Variants in NF2 observed in about 807,000 individuals in gnomAD.
The protein encoded by NF2 is merlin.
In NF2, 8 loss-of-function variants were observed where a neutral mutation model predicts 83.7. That is an observed-to-expected ratio of 0.10 (90% CI 0.06 to 0.17). NF2 has a LOEUF of 0.17. Among genes scored for constraint, NF2 ranks in the 10% least tolerant of loss-of-function variants. The pLI is 1.00. For synonymous variants in NF2, 266 were observed against 269.6 expected (o/e 0.99, Z 0.13); for missense variants, 533 against 744.4 (o/e 0.72, Z 3.31).
At chr22:29,655,995 G>A (rs904202513) in intron 6 of NF2, among the ~76,000 whole-genome samples, 2 of 151,148 alleles carry the variant, frequency 1.3e-5, no homozygotes, top group Non-Finnish European at 2.9e-5. Flanking sequence ...CTGAAATGCA[G>A]TGGCGCCATC....
Position 29,618,205 on chromosome 22 carries a change from GC to G in NF2, c.114+14094del, listed in dbSNP as rs1294248544. ...TCATAGTTTGATTTATGATGATAGG[GC>G]TCAGGTAAGTGATTAGTTTTATTCT... On this transcript the variant is annotated intron_variant, in intron 1 of 15. Coordinates refer to ENST00000338641, the MANE Select transcript of NF2 (RefSeq NM_000268.4). 1.1e-4 allele frequency among the ~76,000 whole-genome samples: 16 copies of G among 152,236 alleles called. No individual in the cohort carries two copies. The East Asian group carries it at 3.1e-3, about 29-fold the overall frequency.
chr22:29,638,801 A>G (rs914705010), intron 2 of NF2, among the ~76,000 whole-genome samples: 1 of 152,196 alleles, frequency 6.6e-6, no homozygotes, highest in Non-Finnish European at 1.5e-5. Flanking sequence ...ATACATTTCT[A>G]GTTTTTAACT....
At chr22:29,605,753 T>C (rs1260525721) in intron 1 of NF2, among the ~76,000 whole-genome samples, 1 of 152,172 alleles carries the variant, frequency 6.6e-6, no homozygotes, top group Non-Finnish European at 1.5e-5. Flanking sequence ...CCAAGATCAT[T>C]CCCTCCTTAC....
chr22:29,666,346 G>A (rs1434472097), intron 9 of NF2, among the ~76,000 whole-genome samples: 1 of 151,990 alleles, frequency 6.6e-6, no homozygotes, highest in Non-Finnish European at 1.5e-5. Context: ...TCACCATGTT[G>A]GTCAGGCTGG....
At chr22:29,692,772 G>A (rs531730223) in intron 15 of NF2, among the ~76,000 whole-genome samples, 6 of 152,222 alleles carry the variant, frequency 3.9e-5, no homozygotes, top group Admixed American at 2.0e-4. Flanking sequence ...GGGGAGAAAC[G>A]TGATGTTGCT....
At chr22:29,673,060 G>A (rs1569305688) in intron 11 of NF2, among the ~76,000 whole-genome samples, 2 of 152,208 alleles carry the variant, frequency 1.3e-5, no homozygotes, top group Non-Finnish European at 1.5e-5. Context: ...AGGTGCTCTT[G>A]TTACTCCCCA....
intron 5 of NF2, among the ~76,000 whole-genome samples, chr22:29,655,339 G>A (rs1411238943): frequency 6.6e-6 from 1 of 152,082 alleles, no homozygotes; most frequent in Admixed American, 6.6e-5. Flanking sequence ...GTGATGTATC[G>A]CCCAGGCAGG....
intron 3 of NF2, among the ~76,000 whole-genome samples, chr22:29,640,375 C>T (rs756438833): frequency 4.6e-5 from 7 of 152,106 alleles, no homozygotes; most frequent in Non-Finnish European, 7.3e-5. Context: ...ATTAAGTACA[C>T]AGTAGGCATT....
At chr22:29,676,106 C>T (rs184982257) in intron 13 of NF2, among the ~76,000 whole-genome samples, 2 of 152,008 alleles carry the variant, frequency 1.3e-5, no homozygotes, top group East Asian at 1.9e-4. Flanking sequence ...GGACTGGAGT[C>T]GTCTGAGCAG....
chr22:29,634,363 T>G (rs147280188), intron 1 of NF2, among the ~76,000 whole-genome samples: 1 of 152,366 alleles, frequency 6.6e-6, no homozygotes, highest in Non-Finnish European at 1.5e-5. Flanking sequence ...ATTGTCTTTT[T>G]GCATTCAACA....
intron 4 of NF2, among the ~76,000 whole-genome samples, chr22:29,645,858 T>G (rs1383145586): frequency 6.6e-6 from 1 of 152,214 alleles, no homozygotes; most frequent in Non-Finnish European, 1.5e-5. Context: ...ATGAAAGTGA[T>G]TCACAGACGA....
At chr22:29,614,095 A>C (rs1262150493) in intron 1 of NF2, among the ~76,000 whole-genome samples, 2 of 151,332 alleles carry the variant, frequency 1.3e-5, no homozygotes, top group Non-Finnish European at 2.9e-5. Flanking sequence ...AGACAACTGG[A>C]TAGCCACATG....
At chr22:29,626,405 G>A (rs919797253) in intron 1 of NF2, among the ~76,000 whole-genome samples, 3 of 151,916 alleles carry the variant, frequency 2.0e-5, no homozygotes, top group African/African-American at 4.8e-5. Flanking sequence ...ACCCGCTTCG[G>A]TCTCCCAAAG....
chr22:29,616,673 C>T (rs1015313253), intron 1 of NF2, among the ~76,000 whole-genome samples: 6 of 149,452 alleles, frequency 4.0e-5, no homozygotes, highest in Admixed American at 2.0e-4. Context: ...ACCTGGAAGG[C>T]GGAGGTTGTG....
At chr22:29,633,170 G>A (rs181156201) in intron 1 of NF2, among the ~76,000 whole-genome samples, 1 of 152,254 alleles carries the variant, frequency 6.6e-6, no homozygotes. Flanking sequence ...CTTCTTAATT[G>A]CTTAAAGACA....
intron 12 of NF2, 36 bp downstream of exon 12, chr22:29,673,522 C>T (rs751236139): frequency 6.3e-7 from 1 of 1,582,614 alleles, no homozygotes; most frequent in East Asian, 2.3e-5. Flanking sequence ...GGCGAGGAGG[C>T]TGGCGAAGGG....
In NF2 at chr22:29,695,769, GCTTCAC is replaced by G; in HGVS notation, c.*972_*977del. The G allele has an allele frequency of 4.3e-6, 1 of 233,990 alleles. No individual in the cohort carries two copies. The highest frequency in any genetic ancestry group is 2.2e-5 in the African/African-American group (1 of 45,464). 14.5% of individuals were successfully genotyped at this position (233,990 alleles called of 1,614,324 possible). A position where few individuals can be genotyped will look rare whatever the true frequency, so the allele number is the denominator to read the frequency against. ...CCGGCCCAGTCTGCACGGCCCATCT[GCTTCAC>G]CTTCCCTCCCAGCCACGTGCCAGTG... On this transcript the variant is annotated 3_prime_UTR_variant, in exon 16 of 16. Transcript: ENST00000338641. The surrounding 1 kb of genome is among the most constrained non-coding windows in gnomAD (Gnocchi z 5.4).
At chr22:29,687,526 A>G (rs1734136857) in intron 15 of NF2, among the ~76,000 whole-genome samples, 1 of 152,178 alleles carries the variant, frequency 6.6e-6, no homozygotes, top group African/African-American at 2.4e-5. Flanking sequence ...CACAATTAAA[A>G]CAAGTGGCCA....
At chr22:29,683,404 G>C in intron 15 of NF2, 4 of 1,301,788 alleles carry the variant, frequency 3.1e-6, no homozygotes, top group Non-Finnish European at 3.9e-6. Flanking sequence ...TGTCTTGGTG[G>C]CATACTCCTA....
Sources: gnomAD v4.1 joint callset for allele counts (sites outside exome capture counted in the v4.1 genomes callset) on GRCh38, gnomAD v4.1.1 for gene constraint, Gnocchi (gnomAD v3.1) non-coding constraint, MANE v1.5 for transcripts, NCBI Gene and HGNC (gene_info 2026-07-23, HGNC 2026-07-21) for gene names.